Variants in EARS2 observed in about 807,000 individuals in gnomAD.
EARS2 encodes nondiscriminating glutamyl-tRNA synthetase EARS2, mitochondrial.
In EARS2, 50 loss-of-function variants were observed where a neutral mutation model predicts 54.1. The ratio of observed to expected loss-of-function variants is 0.92; its 90% CI spans 0.74 to 1.17. EARS2 has a LOEUF of 1.17. Ranked by LOEUF, EARS2 falls within the 50% of genes most tolerant of loss-of-function variation. The probability of loss-of-function intolerance (pLI) is 0.00; values close to 1 mark genes in which losing one functional copy is unlikely to be tolerated. For missense variants in EARS2, 673 were observed against 675.0 expected, an observed-to-expected ratio of 1.00 and a Z score of 0.03; for synonymous variants, 298 against 281.0, an observed-to-expected ratio of 1.06 and a Z score of -0.61.
intron 3 of EARS2, chr16:23,535,573 C>T (rs189333803): frequency 2.7e-5 from 16 of 589,704 alleles, no homozygotes; most frequent in East Asian, 1.1e-4. Flanking sequence ...AGCCATTCCA[C>T]GCTTCTTCCT....
chr16:23,528,964 C>T (rs1220881593), intron 7 of EARS2, among the ~76,000 whole-genome samples: 2 of 152,088 alleles, frequency 1.3e-5, no homozygotes, highest in Non-Finnish European at 2.9e-5. Flanking sequence ...TCAGCATCGG[C>T]GAGTAGGGGC....
chr16:23,535,567 A>T (rs957508154), intron 3 of EARS2: 8 of 593,116 alleles, frequency 1.3e-5, no homozygotes, highest in African/African-American at 9.3e-5. Flanking sequence ...TCTACCAGCC[A>T]TTCCACGCTT....
intron 3 of EARS2, among the ~76,000 whole-genome samples, chr16:23,539,561 C>T (rs116131887): frequency 1.6e-3 from 237 of 152,234 alleles, no homozygotes; most frequent in African/African-American, 4.5e-3. Flanking sequence ...GATTTGCTTT[C>T]GCTTATTAAA....
intron 4 of EARS2, 99 bp downstream of exon 4, chr16:23,534,789 G>A (rs1965384628): frequency 2.8e-6 from 3 of 1,065,292 alleles, no homozygotes; most frequent in Admixed American, 2.9e-5. Context: ...TGGCTGGTAG[G>A]TGGCAAAGCT....
At chr16:23,525,474 G>A (rs750125968) in intron 7 of EARS2, 95 bp from the exon 8 acceptor site, 273 of 1,338,118 alleles carry the variant, frequency 2.0e-4, no homozygotes, top group Non-Finnish European at 2.5e-4. Context: ...GCTACAGTAC[G>A]AGCAGCACAA....
In EARS2 at chr16:23,535,289, G is replaced by C. The variant is rs770477636; in HGVS notation, c.557C>G (p.Ala186Gly). ...CACCTGCTCCAGGCGGAAGCGGATC[G>C]CAGGCTTGGGGTCCTTGGCCAGCTT... ...AQKLAKDPKP[A>G]IRFRLEQVVP... Residue 186 changes from alanine to glycine, a missense_variant, in exon 4 of 9, where the codon GCG becomes GGG. Coordinates refer to ENST00000449606, the MANE Select transcript of EARS2 (RefSeq NM_001083614.2). 1 of 1,606,186 alleles carries C rather than the reference G, an allele frequency of 6.2e-7. No individual in the cohort carries two copies. The highest frequency in any genetic ancestry group is 1.1e-5 in the South Asian group (1 of 90,994).
intron 8 of EARS2, 58 bp downstream of exon 8, chr16:23,525,186 A>G (rs1965204061): frequency 6.2e-7 from 1 of 1,613,360 alleles, no homozygotes; most frequent in East Asian, 2.2e-5. Context: ...AGGAAATGTA[A>G]GTTCAAAGGA....
rs1376061313 is a variant in EARS2 at position 23,523,811 on chromosome 16, A to C, written c.*560T>G. The C allele has an allele frequency of 9.2e-6, 1 of 109,124 alleles. No individual in the cohort carries two copies. Among genetic ancestry groups the C allele is most frequent in the Non-Finnish European group, 1.9e-5 (1 of 53,598 alleles). The allele number at this position is 109,124 out of a possible 1,614,324, so 6.8% of individuals were successfully genotyped here. A position where few individuals can be genotyped will look rare whatever the true frequency, so the allele number is the denominator to read the frequency against. ...CCAGTCCAACTGGTGTTCTTAGAAG[A>C]GGAACGTTGGGCACATAATGAAACT... is the stretch of plus-strand genomic sequence containing the variant. On this transcript the variant is annotated 3_prime_UTR_variant, in exon 9 of 9. Transcript: ENST00000449606.
chr16:23,542,316 C>CTTTTTTTTTTTTTTT lies in EARS2; in HGVS notation c.485+2183_485+2197dup, dbSNP rs745418385. Among the ~76,000 whole-genome samples the CTTTTTTTTTTTTTTT allele has an allele frequency of 5.9e-4, 55 of 93,684 alleles. 1 individual carries two copies. Among genetic ancestry groups the CTTTTTTTTTTTTTTT allele is most frequent in the Admixed American group, 8.0e-4 (5 of 6,274 alleles). The allele number at this position is 93,684 out of a possible 152,430, so 61.5% of individuals were successfully genotyped here. On this transcript the variant is annotated intron_variant, in intron 3 of 8. Coordinates refer to ENST00000449606, the MANE Select transcript of EARS2 (RefSeq NM_001083614.2). The stretch of plus-strand genomic sequence containing the variant: ...GGCCCTTTGTGGACCTTTCATTTTT[C>CTTTTTTTTTTTTTTT]TTTTTTTTTTTTTTTTTTTTTGAGA...
chr16:23,550,730 C>G (rs1354646023), intron 2 of EARS2: 2 of 152,250 alleles, frequency 1.3e-5, no homozygotes, highest in Non-Finnish European at 2.9e-5. Flanking sequence ...AGCCACCACG[C>G]CCGGCCAACC....
chr16:23,546,235 G>C (rs545997688), intron 2 of EARS2: 1 of 362,246 alleles, frequency 2.8e-6, no homozygotes, highest in Non-Finnish European at 5.5e-6. Flanking sequence ...ATGCTTTCAG[G>C]AGAGGGCACA....
intron 2 of EARS2, chr16:23,546,547 C>T: frequency 2.4e-6 from 1 of 416,976 alleles, no homozygotes; most frequent in Admixed American, 2.7e-5. Flanking sequence ...GCTCTCTATG[C>T]TTTGGTATTT....
intron 6 of EARS2, 38 bp from the exon 7 acceptor site, chr16:23,529,670 G>A (rs199549007): frequency 1.4e-5 from 22 of 1,613,276 alleles, no homozygotes; most frequent in Non-Finnish European, 1.9e-5. Context: ...ACTAGGGACA[G>A]GGCTCTGGAA....
At chr16:23,553,891 A>G (rs9972807) in intron 1 of EARS2, among the ~76,000 whole-genome samples, 108,983 of 147,900 alleles carry the variant, frequency 0.74, 40,425 homozygotes, top group Middle Eastern at 0.81. Flanking sequence ...GCGAGACTCC[A>G]TCTCCAAAAA....
chr16:23,529,693 T>C, intron 6 of EARS2, 51 bp downstream of exon 6: 1 of 1,612,738 alleles, frequency 6.2e-7, no homozygotes, highest in Non-Finnish European at 8.5e-7. Flanking sequence ...CAGGAGGAAT[T>C]GAGGCACCCA....
chr16:23,540,133 G>A lies in EARS2; in HGVS notation c.485+4381C>T, dbSNP rs559435229. Reference sequence around the variant, plus strand: ...CACACCACTGCACTCCAATCTGGGTGACAGAGTGAGACCCCATCTCAAAAC... The same window carrying A: ...CACACCACTGCACTCCAATCTGGGTAACAGAGTGAGACCCCATCTCAAAAC... On this transcript the variant is annotated intron_variant, in intron 3 of 8. Coordinates refer to ENST00000449606, the MANE Select transcript of EARS2 (RefSeq NM_001083614.2). 6.6e-5 allele frequency among the ~76,000 whole-genome samples: 10 copies of A among 152,188 alleles called. No homozygotes were observed. The South Asian group carries it at 2.1e-3, about 32-fold the overall frequency.
intron 7 of EARS2, among the ~76,000 whole-genome samples, chr16:23,527,420 G>T (rs1325536386): frequency 4.6e-5 from 7 of 152,144 alleles, no homozygotes; most frequent in African/African-American, 1.7e-4. Flanking sequence ...ACTCAGTATG[G>T]ACCACTACTG....
chr16:23,546,153 G>C (rs565662351), intron 2 of EARS2, among the ~76,000 whole-genome samples: 2 of 152,290 alleles, frequency 1.3e-5, no homozygotes, highest in East Asian at 3.9e-4. Flanking sequence ...GATTAAATAT[G>C]ATCTACTGTA....
chr16:23,551,414 G>A (rs934266463), intron 2 of EARS2, among the ~76,000 whole-genome samples: 2 of 152,128 alleles, frequency 1.3e-5, no homozygotes, highest in African/African-American at 2.4e-5. Flanking sequence ...CCAGGAGTTT[G>A]AGAATAGCTT....
Sources: gnomAD v4.1 joint callset for allele counts (sites outside exome capture counted in the v4.1 genomes callset) on GRCh38, gnomAD v4.1.1 for gene constraint, MANE v1.5 for transcripts, NCBI Gene and HGNC (gene_info 2026-07-23, HGNC 2026-07-21) for gene names.